Variants in ZNHIT6 observed in about 807,000 individuals in gnomAD.
ZNHIT6 encodes the protein zinc finger HIT-type containing 6, also known as box C/D snoRNA protein 1.
In ZNHIT6, 45 loss-of-function variants were observed where a neutral mutation model predicts 57.2. The ratio of observed to expected loss-of-function variants is 0.79; its 90% CI spans 0.62 to 1.01. The LOEUF (loss-of-function observed/expected upper bound fraction) is 1.01, where lower values mean the gene tolerates loss of function less well. ZNHIT6 is among the 50% of genes least tolerant of loss of function. The pLI is 0.00. For synonymous variants in ZNHIT6, 188 were observed against 190.0 expected, an observed-to-expected ratio of 0.99 and a Z score of 0.09; for missense variants, 528 against 567.3, an observed-to-expected ratio of 0.93 and a Z score of 0.70.
intron 8 of ZNHIT6, among the ~76,000 whole-genome samples, chr1:85,676,128 G>A (rs911218071): frequency 5.9e-5 from 9 of 152,056 alleles, no homozygotes; most frequent in Non-Finnish European, 1.0e-4. Flanking sequence ...CCTGAGGTCG[G>A]GAGTTTGAGA....
chr1:85,655,086 G>T (rs1661026026), intron 9 of ZNHIT6, among the ~76,000 whole-genome samples: 1 of 152,134 alleles, frequency 6.6e-6, no homozygotes, highest in African/African-American at 2.4e-5. Flanking sequence ...GTAAGGCACT[G>T]AAATAAGTTC....
At chr1:85,700,798 T>G (rs1662509663) in intron 5 of ZNHIT6, among the ~76,000 whole-genome samples, 1 of 152,222 alleles carries the variant, frequency 6.6e-6, no homozygotes, top group Non-Finnish European at 1.5e-5. Flanking sequence ...ATTTGATAAA[T>G]GCAAGACATT....
intron 8 of ZNHIT6, among the ~76,000 whole-genome samples, chr1:85,664,731 T>A (rs1661318143): frequency 6.6e-6 from 1 of 152,094 alleles, no homozygotes; most frequent in African/African-American, 2.4e-5. Context: ...GACATGATTT[T>A]ACCCATATTA....
chr1:85,659,423 T>A (rs148279534), intron 8 of ZNHIT6, among the ~76,000 whole-genome samples: 368 of 152,324 alleles, frequency 2.4e-3, no homozygotes, highest in Non-Finnish European at 4.4e-3. Context: ...TTCTCCAGCA[T>A]TTTTATTCAT....
At chr1:85,692,416 T>C (rs1019498471) in intron 5 of ZNHIT6, among the ~76,000 whole-genome samples, 1 of 152,218 alleles carries the variant, frequency 6.6e-6, no homozygotes, top group Non-Finnish European at 1.5e-5. Flanking sequence ...AGAGGCCCAA[T>C]TGGGGAACCA....
intron 5 of ZNHIT6, among the ~76,000 whole-genome samples, chr1:85,691,423 G>A (rs970161278): frequency 2.0e-5 from 3 of 152,210 alleles, no homozygotes; most frequent in African/African-American, 7.2e-5. Context: ...GTTAACCTCA[G>A]GCTACGGAAT....
intron 5 of ZNHIT6, among the ~76,000 whole-genome samples, chr1:85,693,786 T>C (rs909519665): frequency 4.6e-5 from 7 of 152,146 alleles, no homozygotes; most frequent in African/African-American, 1.7e-4. Context: ...AGTTCTAAAA[T>C]AAATGTCAAC....
chr1:85,680,123 T>A (rs1193977474), intron 6 of ZNHIT6, among the ~76,000 whole-genome samples: 1 of 152,128 alleles, frequency 6.6e-6, no homozygotes, highest in Non-Finnish European at 1.5e-5. Context: ...GAGGATCACC[T>A]GAGCCCAGGA....
chr1:85,694,487 A>AG (rs1265092425), intron 5 of ZNHIT6, among the ~76,000 whole-genome samples: 1 of 149,106 alleles, frequency 6.7e-6, no homozygotes, highest in Non-Finnish European at 1.5e-5. Context: ...TTTGAGACGG[A>AG]GTCTCGCTCT....
Position 85,658,176 on chromosome 1 carries a change from T to TA in ZNHIT6, c.1248-206dup, listed in dbSNP as rs199887734. ...TTATTATAGAGGTTCTAAAACTAAA[T>TA]AAAAAAAAATCAAATATTCTGACAT... On this transcript the variant is annotated intron_variant, in intron 8 of 9. Transcript: ENST00000370574. Among the ~76,000 whole-genome samples, 684 of 151,668 alleles carry TA rather than the reference T, an allele frequency of 4.5e-3. 2 individuals are homozygous for TA. The highest frequency in any genetic ancestry group is 0.014 in the African/African-American group (588 of 41,372).
In ZNHIT6 at chr1:85,678,708, G is replaced by A. The variant is rs773695324; in HGVS notation, c.1162C>T (p.Arg388Cys). ...IDPEKSDPVIRQRLKAYIRSQ... is the reference protein window; with the variant it reads ...IDPEKSDPVICQRLKAYIRSQ... ...AATATTTTTGAAGCATACCTTTGAC[G>A]AATTACAGGATCAGACTTTTCAGGA... is the stretch of plus-strand genomic sequence containing the variant. Residue 388 changes from arginine to cysteine, a missense_variant, in exon 7 of 10, where the codon CGT (arginine) becomes TGT (cysteine). Transcript: ENST00000370574. 34 of 1,578,060 alleles carry A rather than the reference G, an allele frequency of 2.2e-5. No homozygotes were observed. Among genetic ancestry groups the A allele is most frequent in the Non-Finnish European group, 2.8e-5 (33 of 1,160,122 alleles).
At chr1:85,685,554 A>C (rs1662004414) in intron 5 of ZNHIT6, among the ~76,000 whole-genome samples, 1 of 152,198 alleles carries the variant, frequency 6.6e-6, no homozygotes, top group South Asian at 2.1e-4. Context: ...TTATTAAATA[A>C]ATCTTCCACA....
chr1:85,686,193 C>T (rs1219403046), intron 5 of ZNHIT6, among the ~76,000 whole-genome samples: 2 of 150,682 alleles, frequency 1.3e-5, no homozygotes, highest in Non-Finnish European at 3.0e-5. Context: ...AATCTCCTGA[C>T]CTTATGATAC....
At chr1:85,706,609 GA>G in intron 1 of ZNHIT6, 102 bp from the exon 2 acceptor site, 1 of 1,080,338 alleles carries the variant, frequency 9.3e-7, no homozygotes, top group South Asian at 2.4e-5. Context: ...ACAAGTAACT[GA>G]TAAAATATTT....
intron 8 of ZNHIT6, among the ~76,000 whole-genome samples, chr1:85,667,946 T>TAAAAAAAAAAAAAA (rs1471641849): frequency 8.0e-4 from 3 of 3,740 alleles, no homozygotes; most frequent in Admixed American, 2.4e-3. Flanking sequence ...ACTCTCTCTT[T>TAAAAAAAAAAAAAA]CAAAAAAAAA....
Position 85,708,218 on chromosome 1 carries a change from G to A in ZNHIT6, c.67C>T (p.Arg23Trp). Residue 23 changes from arginine to tryptophan, a missense_variant, in exon 1 of 10, where the codon CGG becomes TGG. Physicochemically the swap from Arg to Trp is moderately radical, Grantham distance 101. Transcript: ENST00000370574. ...GGLHSVAEGV[R>W]LSPEPGREGV... ...TCCCTGCCAGGCTCTGGACTTAGCC[G>A]CACCCCCTCAGCTACGCTGTGGAGA... 1 of 1,613,612 alleles carries A rather than the reference G, an allele frequency of 6.2e-7. No individual in the cohort carries two copies. Among genetic ancestry groups the A allele is most frequent in the East Asian group, 2.2e-5 (1 of 44,862 alleles).
Position 85,650,958 on chromosome 1 carries a change from G to C in ZNHIT6, c.*3100C>G, listed in dbSNP as rs1389827348. ...CATGGGGAATCTAATTTCAACATGA[G>C]TTTTGGTAGGAACAAACTATATTCA... On this transcript the variant is annotated 3_prime_UTR_variant, in exon 10 of 10. Coordinates refer to ENST00000370574, the MANE Select transcript of ZNHIT6 (RefSeq NM_017953.4). 1 of 152,174 alleles carries C rather than the reference G, an allele frequency of 6.6e-6. No individual in the cohort carries two copies. The highest frequency in any genetic ancestry group is 1.5e-5 in the Non-Finnish European group (1 of 68,034). 9.4% of individuals were successfully genotyped at this position (152,174 alleles called of 1,614,324 possible).
Position 85,702,268 on chromosome 1 carries a change from CA to C in ZNHIT6, c.916-9del. The C allele has an allele frequency of 6.7e-7, 1 of 1,498,000 alleles. No homozygotes were observed. Among genetic ancestry groups the C allele is most frequent in the Non-Finnish European group, 9.1e-7 (1 of 1,093,584 alleles). The allele number at this position is 1,498,000 out of a possible 1,614,324, so 92.8% of individuals were successfully genotyped here. ...ATTTTTCATAAAGTACATCTAACAA[CA>C]AAAACCAAACAGACAAATTAATTTT... On this transcript the variant is annotated splice_polypyrimidine_tract_variant and intron_variant, in intron 4 of 9. Coordinates refer to ENST00000370574, the MANE Select transcript of ZNHIT6 (RefSeq NM_017953.4).
chr1:85,693,430 A>C (rs1321532474), intron 5 of ZNHIT6, among the ~76,000 whole-genome samples: 1 of 152,164 alleles, frequency 6.6e-6, no homozygotes, highest in African/African-American at 2.4e-5. Context: ...TAAAAAACAA[A>C]CAGTGCATAG....
Sources: gnomAD v4.1 joint callset for allele counts (sites outside exome capture counted in the v4.1 genomes callset) on GRCh38, gnomAD v4.1.1 for gene constraint, MANE v1.5 for transcripts, NCBI Gene and HGNC (gene_info 2026-07-23, HGNC 2026-07-21) for gene names.